P4HA3: variants seen among roughly 807,000 people sequenced by gnomAD.
P4HA3 encodes the protein prolyl 4-hydroxylase subunit alpha 3.
Under a neutral mutation model 66.7 loss-of-function variants are expected in P4HA3, and 60 were observed. The observed-to-expected ratio is 0.90, with a 90% confidence interval of 0.73 to 1.12. The LOEUF is 1.12. Among genes scored for constraint, P4HA3 ranks in the 50% most tolerant of loss-of-function variants. P4HA3 has a pLI of 0.00. For missense variants in P4HA3, 683 were observed against 685.8 expected (o/e 1.00, Z 0.05); for synonymous variants, 263 against 274.6 (o/e 0.96, Z 0.42).
intron 7 of P4HA3, among the ~76,000 whole-genome samples, chr11:74,284,956 C>A (rs1860737986): frequency 6.6e-6 from 1 of 152,120 alleles, no homozygotes; most frequent in African/African-American, 2.4e-5. Flanking sequence ...GGCCCGCTAG[C>A]CCTGATCATT....
chr11:74,289,322 TCTC>T (rs1404591285), intron 4 of P4HA3, among the ~76,000 whole-genome samples, 192 bp from the exon 5 acceptor site: 1 of 151,844 alleles, frequency 6.6e-6, no homozygotes, highest in Non-Finnish European at 1.5e-5. Flanking sequence ...GTCTCACCAG[TCTC>T]CTCATTTACT....
At chr11:74,271,341 A>C (rs1210852016) in intron 10 of P4HA3, among the ~76,000 whole-genome samples, 19 of 152,178 alleles carry the variant, frequency 1.2e-4, no homozygotes, top group Non-Finnish European at 2.6e-4. Context: ...GGCAACCTGG[A>C]CTTTCCTGCA....
At chr11:74,287,391 T>G (rs1240680427) in intron 5 of P4HA3, 2 of 1,151,602 alleles carry the variant, frequency 1.7e-6, no homozygotes, top group East Asian at 1.2e-4. Flanking sequence ...CAAACCCCAG[T>G]GAAAATATTG....
chr11:74,271,711 C>T (rs1053332324), intron 10 of P4HA3, among the ~76,000 whole-genome samples: 1 of 152,114 alleles, frequency 6.6e-6, no homozygotes, highest in African/African-American at 2.4e-5. Flanking sequence ...AACTGGACTT[C>T]AACTCAATCC....
At chr11:74,293,336 G>A (rs1305326700) in intron 4 of P4HA3, among the ~76,000 whole-genome samples, 16 of 152,254 alleles carry the variant, frequency 1.1e-4, no homozygotes, top group Non-Finnish European at 2.1e-4. Context: ...GAGCCTATGT[G>A]TGTCTCTGCA....
At chr11:74,293,157 T>A (rs1166360520) in intron 4 of P4HA3, among the ~76,000 whole-genome samples, 1 of 152,086 alleles carries the variant, frequency 6.6e-6, no homozygotes, top group Non-Finnish European at 1.5e-5. Context: ...ATATTTAGGA[T>A]AGTTAGCTCT....
chr11:74,265,904 A>T (rs765538712), downstream of P4HA3, among the ~76,000 whole-genome samples: 3 of 152,242 alleles, frequency 2.0e-5, no homozygotes, highest in Non-Finnish European at 4.4e-5. Flanking sequence ...GCAACTGACC[A>T]AAATTAAACA....
At chr11:74,253,429 A>C in intron 15 of P4HA3, 1 of 1,526,404 alleles carries the variant, frequency 6.6e-7, no homozygotes, top group South Asian at 1.1e-5. Flanking sequence ...GAGGATACAG[A>C]TAAGCAAGGG....
chr11:74,257,610 G>A (rs1859850140), intron 15 of P4HA3, among the ~76,000 whole-genome samples: 1 of 152,270 alleles, frequency 6.6e-6, no homozygotes, highest in East Asian at 1.9e-4. Context: ...GGGAGTCAGG[G>A]CATAAAGGCC....
At chr11:74,263,943 T>TA (rs1186904131), downstream of P4HA3, among the ~76,000 whole-genome samples, 3 of 151,996 alleles carry the variant, frequency 2.0e-5, no homozygotes, top group Admixed American at 6.6e-5. Flanking sequence ...AACAAAATTA[T>TA]AAAAAAATCA....
intron 9 of P4HA3, 59 bp downstream of exon 9, chr11:74,276,926 G>T: frequency 2.0e-6 from 3 of 1,517,834 alleles, no homozygotes; most frequent in South Asian, 1.3e-5. Context: ...CTGCCTCAGA[G>T]AAATAAATAA....
At chr11:74,251,422 C>T in intron 15 of P4HA3, 2 of 1,394,934 alleles carry the variant, frequency 1.4e-6, no homozygotes, top group Non-Finnish European at 1.9e-6. Context: ...ATAAGCCCTT[C>T]ACGTCATTCC....
intron 2 of P4HA3, 76 bp from the exon 3 acceptor site, chr11:74,302,668 C>T: frequency 1.5e-6 from 2 of 1,304,088 alleles, no homozygotes; most frequent in East Asian, 2.3e-5. Context: ...AAGGCATGAC[C>T]ACCTGTTCAA....
intron 15 of P4HA3, chr11:74,251,049 A>T: frequency 6.4e-7 from 1 of 1,569,726 alleles, no homozygotes; most frequent in Non-Finnish European, 8.6e-7. Flanking sequence ...CTGTAAAAGG[A>T]CAACTGTGAG....
chr11:74,290,863 T>A (rs1214481552), intron 4 of P4HA3, among the ~76,000 whole-genome samples: 1 of 152,216 alleles, frequency 6.6e-6, no homozygotes, highest in African/African-American at 2.4e-5. Context: ...TAGTATAGTT[T>A]GAAGTCAGGT....
chr11:74,289,498 G>T, intron 4 of P4HA3, among the ~76,000 whole-genome samples: 1 of 151,940 alleles, frequency 6.6e-6, no homozygotes, highest in South Asian at 2.1e-4. Flanking sequence ...ACAACGTGCA[G>T]GTTTGTTACA....
At chr11:74,275,028 A>T (rs1860349445) in intron 9 of P4HA3, among the ~76,000 whole-genome samples, 1 of 152,190 alleles carries the variant, frequency 6.6e-6, no homozygotes, top group Admixed American at 6.5e-5. Context: ...AAAAAAATTG[A>T]ATTATCTTAT....
At chr11:74,263,166 C>T (rs996642529), downstream of P4HA3, among the ~76,000 whole-genome samples, 8 of 152,270 alleles carry the variant, frequency 5.3e-5, no homozygotes, top group Non-Finnish European at 1.0e-4. Context: ...TGGGCATGGA[C>T]CCGCTCTGCC....
At position 74,273,592 on chromosome 11, in the gene P4HA3, G is replaced by C. The variant is rs375800750; in HGVS notation, c.1351C>G (p.Leu451Val). ...CGGTTTCCTGACTTCATTCTGTAGA[G>C]GGGGCTGCTTGGTGACTGAGAAAAA... ...FDHATSPSSP[L>V]YRMKSGNRVA... The change falls in exon 10 of 13, where the codon CTC becomes GTC. Residue 451 changes from leucine to valine, a missense_variant. By Grantham distance (32) the Leu-to-Val change is conservative. Coordinates refer to ENST00000331597, the MANE Select transcript of P4HA3 (RefSeq NM_182904.5). 1 of 1,567,924 alleles carries C rather than the reference G, an allele frequency of 6.4e-7. No individual in the cohort carries two copies. Among genetic ancestry groups the C allele is most frequent in the Non-Finnish European group, 8.6e-7 (1 of 1,161,330 alleles).
Sources: gnomAD v4.1 joint callset for allele counts (sites outside exome capture counted in the v4.1 genomes callset) on GRCh38, gnomAD v4.1.1 for gene constraint, MANE v1.5 for transcripts, NCBI Gene and HGNC (gene_info 2026-07-23, HGNC 2026-07-21) for gene names.